ATP8B4: variants seen among roughly 807,000 people sequenced by gnomAD.
ATP8B4 encodes probable phospholipid-transporting ATPase IM.
Under a neutral mutation model 145.6 loss-of-function variants are expected in ATP8B4, and 133 were observed. The ratio of observed to expected loss-of-function variants is 0.91; its 90% CI spans 0.79 to 1.05. ATP8B4 has a LOEUF of 1.05. Among genes scored for constraint, ATP8B4 ranks in the 50% least tolerant of loss-of-function variants. The pLI, the probability that ATP8B4 is intolerant of heterozygous loss-of-function variation, is 0.00. For synonymous variants in ATP8B4, 507 were observed against 492.9 expected (o/e 1.03, Z -0.38); for missense variants, 1,458 against 1,425.2 (o/e 1.02, Z -0.37).
At chr15:49,866,548 G>A (rs573466907) in intron 25 of ATP8B4, 64 bp from the exon 26 acceptor site, 20 of 1,574,658 alleles carry the variant, frequency 1.3e-5, no homozygotes, top group African/African-American at 1.1e-4. Context: ...ATTTTACCTC[G>A]TGATGTTTCG....
At chr15:49,873,890 CCT>C (rs899707175) in intron 25 of ATP8B4, among the ~76,000 whole-genome samples, 7 of 152,134 alleles carry the variant, frequency 4.6e-5, no homozygotes, top group Non-Finnish European at 8.8e-5. Flanking sequence ...ACAGGAGGAC[CCT>C]CTCTCAGACT....
At chr15:49,862,128 G>C (rs1206092266) in intron 27 of ATP8B4, 117 bp downstream of exon 27, 1 of 1,279,600 alleles carries the variant, frequency 7.8e-7, no homozygotes, top group Non-Finnish European at 1.1e-6. Flanking sequence ...TGCACCAGTA[G>C]GTGTTTGCTT....
At chr15:50,099,879 T>C (rs2056235191) in intron 2 of ATP8B4, among the ~76,000 whole-genome samples, 1 of 151,544 alleles carries the variant, frequency 6.6e-6, no homozygotes, top group African/African-American at 2.4e-5. Context: ...CTACTAAAAA[T>C]ACAAAATTAG....
Position 49,920,288 on chromosome 15 carries a change from T to TTCATCCCTC in ATP8B4, c.1872_1880dup (p.Asp626_Arg628dup), listed in dbSNP as rs1350266381. ...TTTCTTCATATAGCCCAGCTATTCG[T>TTCATCCCTC]TCATCCCTCTCTTCTGTGGCAGCAT... On this transcript the variant is annotated inframe_insertion, in exon 18 of 28. Coordinates refer to ENST00000284509, the MANE Select transcript of ATP8B4 (RefSeq NM_024837.4). The TTCATCCCTC allele has an allele frequency of 6.2e-7, 1 of 1,614,190 alleles. No individual in the cohort carries two copies.
chr15:50,161,519 G>A (rs2044518071), intron 1 of ATP8B4, among the ~76,000 whole-genome samples: 1 of 151,410 alleles, frequency 6.6e-6, no homozygotes, highest in African/African-American at 2.4e-5. Context: ...TTATTTTTAT[G>A]TATCTGTTGT....
At chr15:50,054,995 T>C (rs28605064) in intron 3 of ATP8B4, among the ~76,000 whole-genome samples, 2,040 of 152,226 alleles carry the variant, frequency 0.013, 50 homozygotes, top group African/African-American at 0.047. Flanking sequence ...GGCAAGTACA[T>C]GGCCCACCCT....
At chr15:49,959,337 TATATC>T (rs916764514) in intron 14 of ATP8B4, among the ~76,000 whole-genome samples, 1 of 152,046 alleles carries the variant, frequency 6.6e-6, no homozygotes, top group African/African-American at 2.4e-5. Context: ...ATTCCAAAAA[TATATC>T]TATTCTAATC....
chr15:49,890,021 A>C (rs1056210246), intron 23 of ATP8B4, among the ~76,000 whole-genome samples: 2 of 152,232 alleles, frequency 1.3e-5, no homozygotes, highest in African/African-American at 2.4e-5. Flanking sequence ...TGGTAGAGAA[A>C]TAAAAGAAAG....
rs1056323479 is a variant in ATP8B4 at position 50,163,905 on chromosome 15, C to T, written c.-43+18356G>A. On this transcript the variant is annotated intron_variant, in intron 1 of 3. Coordinates refer to the ATP8B4 transcript ENST00000558829. ...TAAGCAGAAGAGTCTCTCCCCATGG[C>T]CACCACTGTCTCAGGCTCATGGAAA... Among the ~76,000 whole-genome samples, 6 of 152,304 alleles carry T rather than the reference C, an allele frequency of 3.9e-5. No individual in the cohort carries two copies. The East Asian group carries it at 1.2e-3, about 29-fold the overall frequency.
chr15:50,050,985 T>A (rs1205097824), intron 3 of ATP8B4, among the ~76,000 whole-genome samples: 1 of 152,120 alleles, frequency 6.6e-6, no homozygotes, highest in Admixed American at 6.5e-5. Context: ...TTTTTTAGAG[T>A]CCAGTCATCT....
At chr15:49,919,639 C>G (rs888761519) in intron 18 of ATP8B4, among the ~76,000 whole-genome samples, 1 of 152,012 alleles carries the variant, frequency 6.6e-6, no homozygotes. Flanking sequence ...GGATGGTCTC[C>G]ATCTCCGGAC....
intron 11 of ATP8B4, among the ~76,000 whole-genome samples, chr15:49,980,594 A>C (rs1688975300): frequency 6.6e-6 from 1 of 152,220 alleles, no homozygotes; most frequent in Non-Finnish European, 1.5e-5. Context: ...AATTCATAAG[A>C]GAAAGATAGT....
rs137869888 is a variant in ATP8B4 at position 49,901,460 on chromosome 15, T to C, written c.2142-221A>G. Reference sequence around the variant, plus strand: ...TGTAGGAGAGTAAACATAATGAAAATACAATATCTTGAATGTTTAAAATGA... The same window carrying C: ...TGTAGGAGAGTAAACATAATGAAAACACAATATCTTGAATGTTTAAAATGA... On this transcript the variant is annotated intron_variant, in intron 20 of 27. Transcript: ENST00000284509. Among the ~76,000 whole-genome samples, 477 of 152,178 alleles carry C rather than the reference T, an allele frequency of 3.1e-3. 2 individuals are homozygous for C. The highest frequency in any genetic ancestry group is 0.011 in the African/African-American group (457 of 41,518).
chr15:49,875,437 T>C (rs1487660431), intron 25 of ATP8B4, among the ~76,000 whole-genome samples: 5 of 152,114 alleles, frequency 3.3e-5, no homozygotes, highest in Admixed American at 6.6e-5. Context: ...ACAGAGAAGA[T>C]CACCTAATTA....
chr15:50,110,212 T>C (rs2056872490), intron 1 of ATP8B4, among the ~76,000 whole-genome samples: 1 of 152,250 alleles, frequency 6.6e-6, no homozygotes, highest in Admixed American at 6.5e-5. Context: ...AGTCAAGTGT[T>C]GTCACTCTAA....
At chr15:49,954,865 C>T (rs2043417979) in intron 14 of ATP8B4, among the ~76,000 whole-genome samples, 1 of 152,120 alleles carries the variant, frequency 6.6e-6, no homozygotes, top group Non-Finnish European at 1.5e-5. Flanking sequence ...AAAAGGACAC[C>T]TACACCCATA....
Position 49,981,217 on chromosome 15 carries a change from G to C in ATP8B4, c.826C>G (p.Leu276Val), listed in dbSNP as rs778836392. ...GTTTTGTAACTTACCCATAGTACTAGAGTATTCATCAATCTATCAATGCTT... is the reference window on the plus strand; with the variant it reads ...GTTTTGTAACTTACCCATAGTACTACAGTATTCATCAATCTATCAATGCTT... Reference protein sequence around the residue: ...RTSIDRLMNTLVLWIFGFLIC... With the variant: ...RTSIDRLMNTVVLWIFGFLIC... The change falls in exon 11 of 28, where the codon CTA (leucine) becomes GTA (valine). Residue 276 changes from leucine (L) to valine (V), a missense_variant. Physicochemically the swap from Leu to Val is conservative, Grantham distance 32 (BLOSUM62 1). Transcript: ENST00000284509. The C allele has an allele frequency of 1.3e-5, 20 of 1,597,320 alleles. No homozygotes were observed. Among genetic ancestry groups the C allele is most frequent in the Non-Finnish European group, 1.7e-5 (20 of 1,166,754 alleles).
chr15:49,858,482 A>G lies in ATP8B4; in HGVS notation c.*1712T>C, dbSNP rs1257941404. On this transcript the variant is annotated 3_prime_UTR_variant, in exon 28 of 28. Coordinates refer to ENST00000284509, the MANE Select transcript of ATP8B4 (RefSeq NM_024837.4). Reference sequence around the variant, plus strand: ...TTTAGGAAAGATTATCCCAGACTTGAAAATTTTGGTTTTAAAAAATTGTGA... The same window carrying G: ...TTTAGGAAAGATTATCCCAGACTTGGAAATTTTGGTTTTAAAAAATTGTGA... 6.6e-6 allele frequency: 1 copy of G among 152,232 alleles called. No homozygotes were observed. Among genetic ancestry groups the G allele is most frequent in the East Asian group, 1.9e-4 (1 of 5,202 alleles). 9.4% of individuals were successfully genotyped at this position (152,232 alleles called of 1,614,324 possible).
intron 2 of ATP8B4, among the ~76,000 whole-genome samples, chr15:50,099,366 A>G (rs538095135): frequency 9.9e-5 from 15 of 152,176 alleles, no homozygotes; most frequent in African/African-American, 2.6e-4. Context: ...TGAAGCCTCA[A>G]TCTCCTGGGT....
Sources: allele counts gnomAD v4.1 joint callset (sites outside exome capture counted in the v4.1 genomes callset), GRCh38; gene constraint gnomAD v4.1.1; transcripts MANE v1.5; gene names NCBI Gene and HGNC (gene_info 2026-07-23, HGNC 2026-07-21).